Variants in PXDNL observed in about 807,000 individuals in gnomAD.
PXDNL encodes probable oxidoreductase PXDNL.
A neutral mutation model predicts 150.8 loss-of-function variants in PXDNL; 145 were observed. The ratio of observed to expected loss-of-function variants is 0.96; its 90% CI spans 0.84 to 1.10. PXDNL has a LOEUF of 1.10. Among genes scored for constraint, PXDNL ranks in the 50% least tolerant of loss-of-function variants. The pLI is 0.00. For missense variants in PXDNL, 2,087 were observed against 1,873.9 expected (o/e 1.11, Z -2.10); for synonymous variants, 757 against 725.7 (o/e 1.04, Z -0.69).
chr8:51,483,424 C>T (rs780962027), intron 6 of PXDNL, among the ~76,000 whole-genome samples: 3 of 152,218 alleles, frequency 2.0e-5, no homozygotes, highest in Admixed American at 2.0e-4. Context: ...ATTTTCAATA[C>T]TCCTTTTGAA....
At chr8:51,516,186 T>C (rs1158101844) in intron 4 of PXDNL, among the ~76,000 whole-genome samples, 1 of 152,224 alleles carries the variant, frequency 6.6e-6, no homozygotes, top group Non-Finnish European at 1.5e-5. Flanking sequence ...CATTCTGAGA[T>C]GAGTAACAAC....
chr8:51,497,610 A>T (rs986284643), intron 5 of PXDNL, among the ~76,000 whole-genome samples: 11 of 152,228 alleles, frequency 7.2e-5, no homozygotes, highest in African/African-American at 2.7e-4. Flanking sequence ...CCCATCAAAA[A>T]GTGGGTGAAG....
At chr8:51,410,425 G>A (rs545130801) in intron 16 of PXDNL, among the ~76,000 whole-genome samples, 1 of 152,202 alleles carries the variant, frequency 6.6e-6, no homozygotes, top group Non-Finnish European at 1.5e-5. Context: ...TTAATCTTGG[G>A]TATCTGGATA....
At chr8:51,578,647 A>C (rs1335522669) in intron 3 of PXDNL, among the ~76,000 whole-genome samples, 1 of 151,994 alleles carries the variant, frequency 6.6e-6, no homozygotes, top group Non-Finnish European at 1.5e-5. Flanking sequence ...AAAGGCAAAG[A>C]ATCTAGACTA....
chr8:51,473,049 G>A (rs750619561), intron 7 of PXDNL, among the ~76,000 whole-genome samples: 11 of 151,804 alleles, frequency 7.2e-5, no homozygotes, highest in East Asian at 1.9e-4. Context: ...AGAACATTCC[G>A]TAGATCTTTA....
At chr8:51,766,743 T>A (rs541069597) in intron 1 of PXDNL, among the ~76,000 whole-genome samples, 4,456 of 151,446 alleles carry the variant, frequency 0.029, 75 homozygotes, top group Middle Eastern at 0.044. Flanking sequence ...ATCTTTTTTT[T>A]AAAAAAAAAA....
intron 14 of PXDNL, among the ~76,000 whole-genome samples, chr8:51,417,600 A>G (rs911523240): frequency 3.9e-5 from 6 of 152,232 alleles, no homozygotes; most frequent in Non-Finnish European, 8.8e-5. Context: ...TTGGGTTTTG[A>G]GTATTTTTTA....
intron 3 of PXDNL, among the ~76,000 whole-genome samples, chr8:51,560,457 A>T (rs1394702975): frequency 6.6e-6 from 1 of 152,038 alleles, no homozygotes. Context: ...TGGTACTGGC[A>T]TAGAAACAGA....
intron 17 of PXDNL, among the ~76,000 whole-genome samples, chr8:51,392,939 C>A (rs372958228): frequency 6.6e-6 from 1 of 152,114 alleles, no homozygotes; most frequent in East Asian, 1.9e-4. Flanking sequence ...AGAGAGTACA[C>A]TATTGGGAGT....
intron 4 of PXDNL, among the ~76,000 whole-genome samples, chr8:51,528,180 G>A (rs561135907): frequency 4.6e-5 from 7 of 152,244 alleles, no homozygotes; most frequent in Admixed American, 1.3e-4. Context: ...AACAGACCCC[G>A]CTTCTCCTGG....
At position 51,485,662 on chromosome 8, in the gene PXDNL, G is replaced by A. The variant is rs577317398; in HGVS notation, c.453-1948C>T. On this transcript the variant is annotated intron_variant, in intron 5 of 22. Transcript: ENST00000356297. ...ATTTTCCATCCATTGGCTCCACCCT[G>A]CTCCTGGGCTATCAACTCCCACTTG... 2.0e-5 allele frequency among the ~76,000 whole-genome samples: 3 copies of A among 152,202 alleles called. No homozygotes were observed. In the East Asian group the frequency reaches 5.8e-4, roughly 29 times the overall value.
intron 2 of PXDNL, among the ~76,000 whole-genome samples, chr8:51,651,884 G>A (rs1438927025): frequency 2.0e-5 from 3 of 152,178 alleles, no homozygotes; most frequent in African/African-American, 7.2e-5. Flanking sequence ...GCTGCAGCGG[G>A]TGAAATTCAG....
intron 4 of PXDNL, among the ~76,000 whole-genome samples, chr8:51,554,827 C>T (rs4873564): frequency 0.26 from 38,892 of 151,964 alleles, 6,197 homozygotes; most frequent in African/African-American, 0.44. Context: ...GCTACTTAAG[C>T]AACCTCTAAG....
intron 3 of PXDNL, among the ~76,000 whole-genome samples, chr8:51,581,262 A>AG (rs1813206841): frequency 6.6e-6 from 1 of 152,058 alleles, no homozygotes; most frequent in Non-Finnish European, 1.5e-5. Context: ...CAAGACGGGC[A>AG]GATTGCCTGA....
At position 51,408,798 on chromosome 8, in the gene PXDNL, G is replaced by C; in HGVS notation, c.2826C>G (p.Thr942=). 1 of 1,571,098 alleles carries C rather than the reference G, an allele frequency of 6.4e-7. No homozygotes were observed. The highest frequency in any genetic ancestry group is 8.6e-7 in the Non-Finnish European group (1 of 1,159,352). ...TCTCCTGCTCCTGTCGCGCGCACTC[G>C]GTGGGTGGGCCTGTAGAAAAGGGCA... The part of the protein sequence containing the change: ...PLLPFSTGPP[T]ECARQEQESP... The change falls in exon 17 of 23, where the codon ACC becomes ACG. Residue 942 remains threonine (T), a synonymous_variant. Transcript: ENST00000356297.
At chr8:51,437,145 C>T (rs1004480310) in intron 12 of PXDNL, among the ~76,000 whole-genome samples, 1 of 152,002 alleles carries the variant, frequency 6.6e-6, no homozygotes, top group Non-Finnish European at 1.5e-5. Flanking sequence ...CTAGATTAAA[C>T]CAGGAAGAAA....
At chr8:51,397,063 A>G (rs1808105558) in intron 17 of PXDNL, among the ~76,000 whole-genome samples, 1 of 152,216 alleles carries the variant, frequency 6.6e-6, no homozygotes, top group Admixed American at 6.5e-5. Flanking sequence ...ATTAGGTCTG[A>G]TACAAAACCA....
intron 8 of PXDNL, among the ~76,000 whole-genome samples, chr8:51,471,856 T>G (rs1192951674): frequency 6.6e-6 from 1 of 151,762 alleles, no homozygotes; most frequent in South Asian, 2.1e-4. Flanking sequence ...CCAGCTAATT[T>G]TTTGTATTTT....
At chr8:51,611,749 G>A (rs1814007342) in intron 2 of PXDNL, among the ~76,000 whole-genome samples, 1 of 152,146 alleles carries the variant, frequency 6.6e-6, no homozygotes, top group South Asian at 2.1e-4. Flanking sequence ...CCAGGAGGGA[G>A]CACGGCTTTC....
Sources: gnomAD v4.1 joint callset for allele counts (sites outside exome capture counted in the v4.1 genomes callset) on GRCh38, gnomAD v4.1.1 for gene constraint, MANE v1.5 for transcripts, NCBI Gene and HGNC (gene_info 2026-07-23, HGNC 2026-07-21) for gene names.